The following SPPL3 variants were observed in gnomAD, a reference collection of about 807,000 sequenced individuals.
SPPL3 encodes signal peptide peptidase like 3.
Under a neutral mutation model 42.4 loss-of-function variants are expected in SPPL3, and 5 were observed. The observed-to-expected ratio is 0.12, with a 90% confidence interval of 0.06 to 0.25. The LOEUF is 0.25. Among genes scored for constraint, SPPL3 ranks in the 10% least tolerant of loss-of-function variants. The pLI is 1.00. For missense variants in SPPL3, 235 were observed against 489.0 expected (o/e 0.48, Z 4.90); for synonymous variants, 195 against 181.8 (o/e 1.07, Z -0.58).
At chr12:120,875,857 A>G (rs1427629211) in intron 1 of SPPL3, among the ~76,000 whole-genome samples, 11 of 152,218 alleles carry the variant, frequency 7.2e-5, no homozygotes, top group Non-Finnish European at 1.6e-4. Context: ...TATAAGAAAC[A>G]TAGTTTAAAT....
At chr12:120,794,438 C>T (rs1870032151) in intron 2 of SPPL3, among the ~76,000 whole-genome samples, 2 of 152,182 alleles carry the variant, frequency 1.3e-5, no homozygotes, top group African/African-American at 4.8e-5. Context: ...CAATCTGTCA[C>T]CCAGGCTGGA....
chr12:120,868,466 C>T lies in SPPL3; in HGVS notation c.23+35379G>A, dbSNP rs28496100. 3.6e-4 allele frequency among the ~76,000 whole-genome samples: 8 copies of T among 22,292 alleles called. No individual in the cohort carries two copies. In the East Asian group the frequency reaches 0.15, roughly 418 times the overall value. 14.6% of individuals were successfully genotyped at this position (22,292 alleles called of 152,430 possible). ...TAGATGGTGTAGTAATTTCTTTTTT[C>T]TTTTTTTTTGTTTTTGTTTTATTTG... On this transcript the variant is annotated intron_variant, in intron 1 of 10. Coordinates refer to ENST00000353487, the MANE Select transcript of SPPL3 (RefSeq NM_139015.5).
chr12:120,813,974 C>T (rs564847127), intron 1 of SPPL3, among the ~76,000 whole-genome samples: 4 of 152,226 alleles, frequency 2.6e-5, no homozygotes, highest in Admixed American at 2.0e-4. Flanking sequence ...TCATGAGACA[C>T]TGCTCAAAAA....
chr12:120,903,399 A>G (rs1437715609), intron 1 of SPPL3: 1 of 161,512 alleles, frequency 6.2e-6, no homozygotes, highest in Non-Finnish European at 1.3e-5. Flanking sequence ...TGCCTCTATC[A>G]CCTGTTCTCA....
At chr12:120,808,630 G>GT (rs1592973219) in intron 2 of SPPL3, among the ~76,000 whole-genome samples, 1 of 152,124 alleles carries the variant, frequency 6.6e-6, no homozygotes, top group Non-Finnish European at 1.5e-5. Flanking sequence ...TATCATCACT[G>GT]TAACAGTCCA....
chr12:120,790,736 G>A (rs1431428334), intron 3 of SPPL3, among the ~76,000 whole-genome samples: 1 of 152,110 alleles, frequency 6.6e-6, no homozygotes, highest in Non-Finnish European at 1.5e-5. Flanking sequence ...ATGTTCAGAG[G>A]GATTCTGAGG....
chr12:120,813,981 A>G (rs1592975806), intron 1 of SPPL3, among the ~76,000 whole-genome samples: 1 of 152,200 alleles, frequency 6.6e-6, no homozygotes, highest in Non-Finnish European at 1.5e-5. Flanking sequence ...ACACTGCTCA[A>G]AAAAACTCTC....
At chr12:120,887,285 T>C (rs1041049434) in intron 1 of SPPL3, among the ~76,000 whole-genome samples, 2 of 152,220 alleles carry the variant, frequency 1.3e-5, no homozygotes, top group Non-Finnish European at 2.9e-5. Context: ...CTTTTTAATG[T>C]GGCTACCAGA....
intron 2 of SPPL3, among the ~76,000 whole-genome samples, chr12:120,809,890 A>G (rs1026037217): frequency 6.6e-6 from 1 of 152,204 alleles, no homozygotes; most frequent in Non-Finnish European, 1.5e-5. Flanking sequence ...CTTGGATGTC[A>G]AGCCTTTGGA....
chr12:120,875,795 A>C (rs1286267611), intron 1 of SPPL3, among the ~76,000 whole-genome samples: 1 of 152,206 alleles, frequency 6.6e-6, no homozygotes. Flanking sequence ...ACCTAGTCTA[A>C]AAGGCAGATT....
At chr12:120,896,894 AG>A (rs1376578653) in intron 1 of SPPL3, among the ~76,000 whole-genome samples, 1 of 152,246 alleles carries the variant, frequency 6.6e-6, no homozygotes, top group East Asian at 1.9e-4. Flanking sequence ...CATCAAAAAT[AG>A]ATTATAGAAT....
rs185104837 is a variant in SPPL3, at chr12:120,806,259, G to A, written c.101+4550C>T. On this transcript the variant is annotated intron_variant, in intron 2 of 10. Transcript: ENST00000353487. ...GTCACCCTGGCTTGAGTGCAGTGGC[G>A]CGATCATAGTTCACCATAACCCCAA... is the stretch of plus-strand genomic sequence containing the variant. 4.7e-5 allele frequency among the ~76,000 whole-genome samples: 7 copies of A among 149,304 alleles called. No individual in the cohort carries two copies. The East Asian group carries it at 1.4e-3, about 30-fold the overall frequency.
At chr12:120,802,431 A>AT (rs1166451844) in intron 2 of SPPL3, among the ~76,000 whole-genome samples, 1,971 of 104,972 alleles carry the variant, frequency 0.019, 47 homozygotes, top group African/African-American at 0.046. Context: ...ATATATATAT[A>AT]TTTTTTTTTT....
chr12:120,890,952 C>G (rs1424180469), intron 1 of SPPL3, among the ~76,000 whole-genome samples: 3 of 152,148 alleles, frequency 2.0e-5, no homozygotes, highest in African/African-American at 7.2e-5. Flanking sequence ...GACTCATTAT[C>G]AACTTGGTAA....
At chr12:120,896,466 A>T (rs1873805771) in intron 1 of SPPL3, among the ~76,000 whole-genome samples, 1 of 152,200 alleles carries the variant, frequency 6.6e-6, no homozygotes, top group South Asian at 2.1e-4. Context: ...AGTAAGGATA[A>T]GAAAATACAT....
At chr12:120,844,982 T>G (rs1020115756) in intron 1 of SPPL3, 1 of 168,756 alleles carries the variant, frequency 5.9e-6, no homozygotes, top group African/African-American at 2.4e-5. Context: ...TGTGCCACAT[T>G]TACAGCACAG....
At chr12:120,790,355 T>C (rs903100886) in intron 3 of SPPL3, among the ~76,000 whole-genome samples, 6 of 152,352 alleles carry the variant, frequency 3.9e-5, no homozygotes, top group East Asian at 3.9e-4. Flanking sequence ...TACAACTAGG[T>C]TGACAGCGTG....
intron 3 of SPPL3, among the ~76,000 whole-genome samples, chr12:120,785,244 A>C (rs1318382394): frequency 6.9e-6 from 1 of 145,756 alleles, no homozygotes; most frequent in Non-Finnish European, 1.5e-5. Context: ...GTTTCTATCT[A>C]TTAATATTTA....
Position 120,790,826 on chromosome 12 carries a change from C to CTTTT in SPPL3, c.190+639_190+642dup, listed in dbSNP as rs35743748. 6.1e-5 allele frequency among the ~76,000 whole-genome samples: 9 copies of CTTTT among 147,078 alleles called. No individual in the cohort carries two copies. In the South Asian group the frequency reaches 1.9e-3, roughly 32 times the overall value. ...GGTATTTGCCCTCTCTATCTTGGCA[C>CTTTT]TTTTTTTTTTTTTGAGACGGAGTTT... On this transcript the variant is annotated intron_variant, in intron 3 of 10. Transcript: ENST00000353487.
Sources: allele counts gnomAD v4.1 joint callset (sites outside exome capture counted in the v4.1 genomes callset), GRCh38; gene constraint gnomAD v4.1.1; transcripts MANE v1.5; gene names NCBI Gene and HGNC (gene_info 2026-07-23, HGNC 2026-07-21).